MVD: variants seen among roughly 807,000 people sequenced by gnomAD.
MVD encodes diphosphomevalonate decarboxylase.
In MVD, 52 loss-of-function variants were observed where a neutral mutation model predicts 42.4. The observed-to-expected ratio is 1.23, with a 90% CI of 0.98 to 1.55. The LOEUF is 1.55. MVD is among the 40% of genes most tolerant of loss of function. MVD has a pLI of 0.00. For synonymous variants in MVD, 287 were observed against 243.2 expected (o/e 1.18, Z -1.68); for missense variants, 663 against 572.1 (o/e 1.16, Z -1.62).
chr16:88,652,536 G>A lies in MVD; in HGVS notation c.1192C>T (p.Pro398Ser). 2 of 1,572,364 alleles carry A rather than the reference G, an allele frequency of 1.3e-6. No homozygotes were observed. Among genetic ancestry groups the A allele is most frequent in the Non-Finnish European group, 1.7e-6 (2 of 1,158,734 alleles). ...HLLGPDGLPK[P>S]AA ...CCCTGCTGAGGCAGTCAGGCAGCTG[G>A]CTTCGGCAGGCCGTCAGGACCCAGG... Residue 398 changes from proline to serine, a missense_variant, in exon 10 of 10, where the codon CCA (proline) becomes TCA (serine). Pro to Ser is a moderately conservative substitution (Grantham distance 74). Transcript: ENST00000301012.
In MVD at chr16:88,652,556, C is replaced by G. The variant is rs1173821299; in HGVS notation, c.1172G>C (p.Gly391Ala). ...AGCTGGCTTCGGCAGGCCGTCAGGA[C>G]CCAGGAGGTGGGCGCAGGGGTCATC... Reference protein sequence around the residue: ...ILDDPCAHLLGPDGLPKPAA With the variant: ...ILDDPCAHLLAPDGLPKPAA Residue 391 changes from glycine (G) to alanine (A), a missense_variant, in exon 10 of 10, where the codon GGT becomes GCT. Transcript: ENST00000301012. The G allele has an allele frequency of 6.4e-7, 1 of 1,573,058 alleles. No homozygotes were observed. Among genetic ancestry groups the G allele is most frequent in the Non-Finnish European group, 8.6e-7 (1 of 1,159,208 alleles).
At chr16:88,662,026 T>A (rs1336738513) in intron 1 of MVD, 2 of 151,758 alleles carry the variant, frequency 1.3e-5, no homozygotes, top group Non-Finnish European at 2.9e-5. Flanking sequence ...ATATCTACCA[T>A]CTGACCCAGC....
chr16:88,654,888 C>A, intron 7 of MVD, 81 bp from the exon 8 acceptor site: 2 of 1,359,554 alleles, frequency 1.5e-6, no homozygotes, highest in South Asian at 1.5e-5. Flanking sequence ...GCCAGGCGGC[C>A]TTGGGCTCTC....
intron 1 of MVD, chr16:88,662,124 G>A (rs1333067151): frequency 1.3e-5 from 2 of 152,028 alleles, no homozygotes; most frequent in African/African-American, 4.8e-5. Flanking sequence ...CAGCTTTATT[G>A]GTAAGGGAAA....
chr16:88,657,138 G>GC (rs1491184587), intron 4 of MVD: 10 of 601,982 alleles, frequency 1.7e-5, no homozygotes, highest in Non-Finnish European at 3.1e-5. Flanking sequence ...GATGGGGGGG[G>GC]GTCTCACTAT....
chr16:88,656,242 AG>A lies in MVD; in HGVS notation c.465del (p.Ser156GlnfsTer47), dbSNP rs1450092615. 5.0e-6 allele frequency: 8 copies of A among 1,599,286 alleles called. No individual in the cohort carries two copies. Among genetic ancestry groups the A allele is most frequent in the Non-Finnish European group, 6.8e-6 (8 of 1,179,838 alleles). ...TACAGGCTCCGGCAGGCGCTGCCTG[AG>A]CCCCGGCGAGCCACTTCTGAGAGGT... ...ESDLSEVARR[G>X]SGSACRSLYG... On this transcript the variant is annotated frameshift_variant, in exon 5 of 10. Transcript: ENST00000301012.
At chr16:88,654,253 G>A (rs778859832) in intron 8 of MVD, among the ~76,000 whole-genome samples, 14 of 152,186 alleles carry the variant, frequency 9.2e-5, no homozygotes, top group African/African-American at 1.9e-4. Context: ...CCAACTGCCG[G>A]GGCGGGGTCA....
At chr16:88,661,484 C>G (rs1567618668) in intron 1 of MVD, among the ~76,000 whole-genome samples, 1 of 151,992 alleles carries the variant, frequency 6.6e-6, no homozygotes, top group African/African-American at 2.4e-5. Context: ...TCAGCCTCCC[C>G]AAGTGCTGGG....
chr16:88,657,368 C>G, intron 4 of MVD, 68 bp downstream of exon 4: 2 of 1,529,416 alleles, frequency 1.3e-6, no homozygotes, highest in Non-Finnish European at 1.8e-6. Context: ...CTCCCTGACC[C>G]GGGAAGAGCA....
In MVD at chr16:88,654,700, A is replaced by T. The variant is rs748070228; in HGVS notation, c.1005T>A (p.Asn335Lys). ...AVWHGFPPGS[N>K]GDTFLKGLQV... ...GCGGGGTCCACACTCACGTGTCTCC[A>T]TTCGAGCCTGGGGGAAAGCCGTGCC... Residue 335 changes from asparagine to lysine, a missense_variant, in exon 8 of 10, where the codon AAT becomes AAA. By Grantham distance (94) the Asn-to-Lys change is moderately conservative (BLOSUM62 0). Coordinates refer to ENST00000301012, the MANE Select transcript of MVD (RefSeq NM_002461.3). The T allele has an allele frequency of 1.3e-6, 2 of 1,597,898 alleles. No individual in the cohort carries two copies. The highest frequency in any genetic ancestry group is 2.3e-5 in the South Asian group (2 of 88,310).
intron 1 of MVD, chr16:88,659,019 G>A: frequency 4.9e-6 from 2 of 407,914 alleles, no homozygotes; most frequent in South Asian, 2.3e-5. Context: ...CGCTCCCACC[G>A]CGGCCTGCCT....
At position 88,656,077 on chromosome 16, in the gene MVD, G is replaced by GCCCCAC. The variant is rs779899004; in HGVS notation, c.603+27_603+28insGTGGGG. On this transcript the variant is annotated intron_variant, in intron 5 of 9. Transcript: ENST00000301012. ...GACTAGGGACAGAGGCCACCGGGCT[G>GCCCCAC]CTGCTCCACCCGCCCCACCCCACTC... 7 of 1,559,930 alleles carry GCCCCAC rather than the reference G, an allele frequency of 4.5e-6. No homozygotes were observed. The South Asian group carries it at 8.2e-5, about 18-fold the overall frequency.
chr16:88,655,252 A>G lies in MVD; in HGVS notation c.844T>C (p.Trp282Arg). ...CGGTGCACCAGGTGGATGATGCGCCAGGAGATGGCATTGAGGTAAGAGATG... is the reference window on the plus strand; with the variant it reads ...CGGTGCACCAGGTGGATGATGCGCCGGGAGATGGCATTGAGGTAAGAGATG... ...PPISYLNAISWRIIHLVHRFN... is the reference protein window; with the variant it reads ...PPISYLNAISRRIIHLVHRFN... The change falls in exon 7 of 10, where the codon TGG becomes CGG. Residue 282 changes from tryptophan (W) to arginine (R), a missense_variant. Trp to Arg is a moderately radical substitution (Grantham distance 101, BLOSUM62 -3). Transcript: ENST00000301012. The G allele has an allele frequency of 3.8e-6, 6 of 1,587,564 alleles. No homozygotes were observed. The highest frequency in any genetic ancestry group is 1.3e-5 in the African/African-American group (1 of 74,690).
intron 3 of MVD, 62 bp from the exon 4 acceptor site, chr16:88,657,644 C>T (rs1597380762): frequency 6.3e-7 from 1 of 1,582,800 alleles, no homozygotes; most frequent in East Asian, 2.3e-5. Flanking sequence ...CCTGCTCCTG[C>T]CCACCTGCCC....
rs1408613116 is a variant in MVD, at chr16:88,656,249, G to A, written c.459C>T (p.Arg153=). ...GVESDLSEVA[R]RGSGSACRSL... Reference sequence around the variant, plus strand: ...TCCGGCAGGCGCTGCCTGAGCCCCGGCGAGCCACTTCTGAGAGGTCACTCT... The same window carrying A: ...TCCGGCAGGCGCTGCCTGAGCCCCGACGAGCCACTTCTGAGAGGTCACTCT... Residue 153 remains arginine, a synonymous_variant, in exon 5 of 10, where the codon CGC becomes CGT. Coordinates refer to ENST00000301012, the MANE Select transcript of MVD (RefSeq NM_002461.3). The A allele has an allele frequency of 6.3e-7, 1 of 1,599,906 alleles. No homozygotes were observed. Among genetic ancestry groups the A allele is most frequent in the South Asian group, 1.1e-5 (1 of 91,092 alleles).
At chr16:88,656,030 T>C (rs1369533120) in intron 5 of MVD, 75 bp downstream of exon 5, 1 of 1,518,874 alleles carries the variant, frequency 6.6e-7, no homozygotes, top group Non-Finnish European at 8.8e-7. Context: ...ACGCCTTCGC[T>C]CCTGCTCCCG....
chr16:88,658,311 C>G (rs1261365198), intron 2 of MVD, among the ~76,000 whole-genome samples: 2 of 152,158 alleles, frequency 1.3e-5, no homozygotes, highest in African/African-American at 4.8e-5. Context: ...GTGACGAGAC[C>G]TGGGGGCACA....
chr16:88,656,339 G>C, intron 4 of MVD, 35 bp from the exon 5 acceptor site: 1 of 1,592,714 alleles, frequency 6.3e-7, no homozygotes, highest in South Asian at 1.1e-5. Context: ...GGTCCTCAGA[G>C]CTGCCTGCGC....
At position 88,656,040 on chromosome 16, in the gene MVD, G is replaced by A. The variant is rs139954433; in HGVS notation, c.603+65C>T. The A allele has an allele frequency of 2.1e-4, 300 of 1,428,972 alleles. 1 individual carries two copies. The African/African-American group carries it at 3.0e-3, about 14-fold the overall frequency. The allele number at this position is 1,428,972 out of a possible 1,614,324, so 88.5% of individuals were successfully genotyped here. ...GATGGACGCCTTCGCTCCTGCTCCC[G>A]GCAGCAGCCCTGACTAGGGACAGAG... On this transcript the variant is annotated intron_variant, in intron 5 of 9. Coordinates refer to ENST00000301012, the MANE Select transcript of MVD (RefSeq NM_002461.3).
Sources: allele counts gnomAD v4.1 joint callset (sites outside exome capture counted in the v4.1 genomes callset), GRCh38; gene constraint gnomAD v4.1.1; transcripts MANE v1.5; gene names NCBI Gene and HGNC (gene_info 2026-07-23, HGNC 2026-07-21).